SLC16A6: variants seen among roughly 807,000 people sequenced by gnomAD.
The protein encoded by SLC16A6 is solute carrier family 16 member 6, also known as monocarboxylate transporter 7.
In SLC16A6, 15 loss-of-function variants were observed where a neutral mutation model predicts 33.8. That is an observed-to-expected ratio of 0.44 (90% CI 0.30 to 0.68). The LOEUF is 0.68. Ranked by LOEUF, SLC16A6 falls within the 30% of genes least tolerant of loss-of-function variation. The pLI, the probability that SLC16A6 is intolerant of heterozygous loss-of-function variation, is 0.10. For synonymous variants in SLC16A6, 219 were observed against 248.4 expected, an observed-to-expected ratio of 0.88 and a Z score of 1.11; for missense variants, 451 against 661.5, an observed-to-expected ratio of 0.68 and a Z score of 3.49.
In SLC16A6 at chr17:68,273,930, A is replaced by C; in HGVS notation, c.373T>G (p.Ser125Ala). Residue 125 changes from serine to alanine, a missense_variant, in exon 3 of 6, where the codon TCT becomes GCT. By Grantham distance (99) the Ser-to-Ala change is moderately conservative. Coordinates refer to ENST00000580666, the MANE Select transcript of SLC16A6 (RefSeq NM_004694.5). ...SHMYVAIGII[S>A]GLGYCFSFLP... ...TGAGCCAAAGAGGAACACTTACCAG[A>C]GATGATGCCGATGGCGACGTACATA... The C allele has an allele frequency of 6.2e-7, 1 of 1,614,102 alleles. No individual in the cohort carries two copies. The highest frequency in any genetic ancestry group is 8.5e-7 in the Non-Finnish European group (1 of 1,179,956).
At chr17:68,270,410 C>T (rs1398705772) in intron 5 of SLC16A6, among the ~76,000 whole-genome samples, 1 of 152,016 alleles carries the variant, frequency 6.6e-6, no homozygotes, top group Non-Finnish European at 1.5e-5. Context: ...AAAAATTAGC[C>T]AGGCGTGGTG....
At chr17:68,272,985 C>CTTT (rs879965781) in intron 3 of SLC16A6, among the ~76,000 whole-genome samples, 1 of 144,676 alleles carries the variant, frequency 6.9e-6, no homozygotes, top group Non-Finnish European at 1.5e-5. Context: ...AAAAATATAA[C>CTTT]TTTTTTTTTT....
chr17:68,279,158 A>G (rs1368802795), intron 1 of SLC16A6, among the ~76,000 whole-genome samples: 2 of 152,120 alleles, frequency 1.3e-5, no homozygotes, highest in East Asian at 3.8e-4. Context: ...GCAAAAAAAG[A>G]CTGAATTGAC....
chr17:68,269,965 G>A (rs1688716172), intron 5 of SLC16A6, among the ~76,000 whole-genome samples: 1 of 152,004 alleles, frequency 6.6e-6, no homozygotes. Flanking sequence ...GAGCCACTGC[G>A]CCCGGCCCGT....
chr17:68,289,255 G>A, intron 1 of SLC16A6, among the ~76,000 whole-genome samples: 1 of 152,098 alleles, frequency 6.6e-6, no homozygotes, highest in East Asian at 1.9e-4. Flanking sequence ...CAGAGATGAC[G>A]CTACTGCACT....
chr17:68,270,560 A>C (rs2075305897), intron 5 of SLC16A6, among the ~76,000 whole-genome samples: 1 of 151,906 alleles, frequency 6.6e-6, no homozygotes, highest in Admixed American at 6.6e-5. Flanking sequence ...TCTCAAAAAA[A>C]AAAAAAAAAG....
At chr17:68,277,618 T>C (rs952571213) in intron 2 of SLC16A6, among the ~76,000 whole-genome samples, 41 of 152,012 alleles carry the variant, frequency 2.7e-4, no homozygotes, top group Admixed American at 5.2e-4. Flanking sequence ...TCAGTAGAGA[T>C]GGGGTTTCGC....
intron 1 of SLC16A6, among the ~76,000 whole-genome samples, chr17:68,278,617 CTTTTTTTT>C (rs56870988): frequency 8.9e-6 from 1 of 111,980 alleles, no homozygotes; most frequent in Admixed American, 1.0e-4. Context: ...TTTCTTTTTC[CTTTTTTTT>C]TTTTTTTTTT....
intron 1 of SLC16A6, among the ~76,000 whole-genome samples, chr17:68,279,332 G>A (rs539858634): frequency 4.0e-5 from 6 of 151,816 alleles, no homozygotes; most frequent in South Asian, 2.1e-4. Flanking sequence ...CTTCTTCCCC[G>A]CCATTTTCTA....
At chr17:68,290,880 C>A (rs1336798331) in intron 1 of SLC16A6, among the ~76,000 whole-genome samples, 1 of 150,792 alleles carries the variant, frequency 6.6e-6, no homozygotes, top group African/African-American at 2.4e-5. Flanking sequence ...CTACCCACAC[C>A]GGCGCGAGCG....
chr17:68,270,722 C>G (rs576557835), intron 5 of SLC16A6, 117 bp downstream of exon 5: 1 of 907,654 alleles, frequency 1.1e-6, no homozygotes, highest in South Asian at 1.8e-5. Flanking sequence ...CCTGGCAGCT[C>G]TAAAATTCAA....
In SLC16A6 at chr17:68,271,933, G is replaced by T. The variant is rs2075354327; in HGVS notation, c.506-279C>A. ...TTCTCCTGCCTCAGCCTCCTGAGTA[G>T]CTGGGACTATAGGCGTGCGCCACCA... On this transcript the variant is annotated intron_variant, in intron 4 of 5. Transcript: ENST00000580666. This position sits in a 1 kb window ranked among gnomAD's most constrained non-coding sequence, Gnocchi z 5.3. 6.6e-6 allele frequency among the ~76,000 whole-genome samples: 1 copy of T among 152,204 alleles called. No individual in the cohort carries two copies. Among genetic ancestry groups the T allele is most frequent in the African/African-American group, 2.4e-5 (1 of 41,462 alleles).
intron 1 of SLC16A6, among the ~76,000 whole-genome samples, chr17:68,280,011 G>A (rs923499001): frequency 4.0e-5 from 6 of 151,622 alleles, no homozygotes; most frequent in African/African-American, 4.8e-5. Context: ...GCAAAACCCC[G>A]TCTCTACTAA....
Position 68,274,075 on chromosome 17 carries a change from C to T in SLC16A6, c.233-5G>A, listed in dbSNP as rs782454400. The stretch of plus-strand genomic sequence containing the variant: ...TCAGGACTGTGGCGAGGGGAGCTGC[C>T]GGGAAAGAACAAAACGATATTTTAA... On this transcript the variant is annotated splice_region_variant and splice_polypyrimidine_tract_variant and intron_variant, in intron 2 of 5. Coordinates refer to ENST00000580666, the MANE Select transcript of SLC16A6 (RefSeq NM_004694.5). 21 of 1,610,454 alleles carry T rather than the reference C, an allele frequency of 1.3e-5. No homozygotes were observed. The highest frequency in any genetic ancestry group is 2.7e-5 in the African/African-American group (2 of 74,812).
chr17:68,275,367 A>G (rs1291692823), intron 2 of SLC16A6, among the ~76,000 whole-genome samples: 1 of 152,186 alleles, frequency 6.6e-6, no homozygotes, highest in Non-Finnish European at 1.5e-5. Context: ...GGGTTAGTCT[A>G]TATGTATCTA....
Position 68,269,051 on chromosome 17 carries a change from A to G in SLC16A6, c.*45T>C. 1 of 1,589,850 alleles carries G rather than the reference A, an allele frequency of 6.3e-7. No homozygotes were observed. Among genetic ancestry groups the G allele is most frequent in the Non-Finnish European group, 8.6e-7 (1 of 1,168,550 alleles). ...CTTGTGTCCCCGTTGGGCCCACCCC[A>G]TCCCTCTCCAGCCAACACAGTGGCT... On this transcript the variant is annotated 3_prime_UTR_variant, in exon 6 of 6. Coordinates refer to ENST00000580666, the MANE Select transcript of SLC16A6 (RefSeq NM_004694.5).
intron 2 of SLC16A6, 64 bp downstream of exon 2, chr17:68,278,025 C>T (rs555069317): frequency 4.5e-6 from 5 of 1,104,022 alleles, no homozygotes; most frequent in Admixed American, 2.0e-5. Context: ...ACTACCATTA[C>T]CAAGGTAGCC....
intron 3 of SLC16A6, among the ~76,000 whole-genome samples, chr17:68,273,500 C>G (rs1555749835): frequency 6.6e-6 from 1 of 152,180 alleles, no homozygotes; most frequent in East Asian, 1.9e-4. Context: ...GGATTACAGG[C>G]ATGAGCCACC....
Position 68,268,916 on chromosome 17 carries a change from T to TAAAAC in SLC16A6, c.*175_*179dup, listed in dbSNP as rs200861671. 95 of 1,425,342 alleles carry TAAAAC rather than the reference T, an allele frequency of 6.7e-5. No individual in the cohort carries two copies. Among genetic ancestry groups the TAAAAC allele is most frequent in the Middle Eastern group, 1.9e-4 (1 of 5,370 alleles). 88.3% of individuals were successfully genotyped at this position (1,425,342 alleles called of 1,614,324 possible). On this transcript the variant is annotated 3_prime_UTR_variant, in exon 6 of 6. Transcript: ENST00000580666. ...TAAAAACAAGCAAAAAAAAAAAGCT[T>TAAAAC]AAAACAAAACAAAACAAAACAAAAG...
Sources: allele counts gnomAD v4.1 joint callset (sites outside exome capture counted in the v4.1 genomes callset), GRCh38; gene constraint gnomAD v4.1.1; non-coding constraint Gnocchi (gnomAD v3.1); transcripts MANE v1.5; gene names NCBI Gene and HGNC (gene_info 2026-07-23, HGNC 2026-07-21).